HOXC8: variants seen among roughly 807,000 people sequenced by gnomAD.
The protein encoded by HOXC8 is homeobox protein Hox-C8.
HOXC8 carries 14 observed loss-of-function variants against 25.8 expected under a neutral mutation model. That is an observed-to-expected ratio of 0.54 (90% confidence interval 0.36 to 0.85). The LOEUF is 0.85. Among genes scored for constraint, HOXC8 ranks in the 40% least tolerant of loss-of-function variants. The pLI is 0.01. For synonymous variants in HOXC8, 144 were observed against 124.6 expected (o/e 1.16, Z -1.04); for missense variants, 316 against 308.8 (o/e 1.02, Z -0.17).
rs1390318171 is a variant in HOXC8, at chr12:54,011,171, T to C, written c.519T>C (p.Tyr173=). 2.5e-6 allele frequency: 4 copies of C among 1,614,008 alleles called. No individual in the cohort carries two copies. Among genetic ancestry groups the C allele is most frequent in the Non-Finnish European group, 3.4e-6 (4 of 1,180,028 alleles). Residue 173 remains tyrosine (Y), a synonymous_variant, in exon 2 of 2, where the codon TAT becomes TAC. Transcript: ENST00000040584. ...ELEKEFLFNP[Y]LTRKRRIEVS... The stretch of plus-strand genomic sequence containing the variant: ...AAAAGGAGTTTCTCTTTAATCCTTA[T>C]TTGACACGAAAACGTCGGATTGAAG...
chr12:54,009,390 C>T lies in HOXC8; in HGVS notation c.106C>T (p.His36Tyr). The T allele has an allele frequency of 6.2e-7, 1 of 1,614,088 alleles. No individual in the cohort carries two copies. Among genetic ancestry groups the T allele is most frequent in the South Asian group, 1.1e-5 (1 of 91,070 alleles). ...CRFPQSVGRS[H>Y]ALVYGPGGSA... ...GTTCCCTCAGAGCGTGGGCAGGAGC[C>T]ATGCGCTGGTGTACGGGCCCGGCGG... Residue 36 changes from histidine to tyrosine, a missense_variant, in exon 1 of 2, where the codon CAT becomes TAT. Coordinates refer to ENST00000040584, the MANE Select transcript of HOXC8 (RefSeq NM_022658.4). This position sits in a 1 kb window ranked among gnomAD's most constrained non-coding sequence, Gnocchi z 5.0.
chr12:54,010,999 T>A, intron 1 of HOXC8, 90 bp from the exon 2 acceptor site: 2 of 891,802 alleles, frequency 2.2e-6, no homozygotes, highest in Non-Finnish European at 3.6e-6. Context: ...ACTGAGGAGA[T>A]CAGAGAGGGG....
At chr12:54,011,016 G>C in intron 1 of HOXC8, 73 bp from the exon 2 acceptor site, 2 of 1,078,558 alleles carry the variant, frequency 1.9e-6, no homozygotes, top group Non-Finnish European at 2.8e-6. Flanking sequence ...GGGGAGTTTA[G>C]AGTAGGAAGA....
rs1468734468 is a variant in HOXC8, at chr12:54,009,156, C to T, written c.-129C>T. The T allele has an allele frequency of 2.5e-6, 2 of 803,336 alleles. No homozygotes were observed. The highest frequency in any genetic ancestry group is 4.1e-6 in the Non-Finnish European group (2 of 492,364). The allele number at this position is 803,336 out of a possible 1,614,324, so 49.8% of individuals were successfully genotyped here. On this transcript the variant is annotated 5_prime_UTR_variant, in exon 1 of 2. Transcript: ENST00000040584. This position sits in a 1 kb window ranked among gnomAD's most constrained non-coding sequence, Gnocchi z 5.0. The stretch of plus-strand genomic sequence containing the variant: ...CCAACCTGCCCAGCCCCCAGCCCAC[C>T]AGCCCAGCCCAGTCCCGGGGAGCCA...
chr12:54,010,177 C>G (rs1302273722), intron 1 of HOXC8, among the ~76,000 whole-genome samples: 2 of 152,188 alleles, frequency 1.3e-5, no homozygotes, highest in East Asian at 1.9e-4. Flanking sequence ...CAAAGGGAGA[C>G]AGACCCCTGT....
Position 54,009,693 on chromosome 12 carries a change from C to T in HOXC8, c.409C>T (p.Leu137Phe). 1 of 1,614,194 alleles carries T rather than the reference C, an allele frequency of 6.2e-7. No homozygotes were observed. Among genetic ancestry groups the T allele is most frequent in the Non-Finnish European group, 8.5e-7 (1 of 1,180,002 alleles). ...CTTAAATCAAAACTCGTCTCCCAGC[C>T]TCATGTTTCCATGGATGAGACCCCA... ...GHLNQNSSPS[L>F]MFPWMRPHAP... The change falls in exon 1 of 2, where the codon CTC (leucine) becomes TTC (phenylalanine). Residue 137 changes from leucine (L) to phenylalanine (F), a missense_variant. Coordinates refer to ENST00000040584, the MANE Select transcript of HOXC8 (RefSeq NM_022658.4). The surrounding 1 kb of genome is among the most constrained non-coding windows in gnomAD (Gnocchi z 5.0).
Position 54,009,778 on chromosome 12 carries a change from C to G in HOXC8, c.436+58C>G. On this transcript the variant is annotated intron_variant, in intron 1 of 1. Transcript: ENST00000040584. This position sits in a 1 kb window ranked among gnomAD's most constrained non-coding sequence, Gnocchi z 5.0. ...CCCGCGCTCCAGGGTTTCCCCCCCT[C>G]CCTCGCCTCCTTTTTGTCTGCCCTC... is the stretch of plus-strand genomic sequence containing the variant. 6.9e-7 allele frequency: 1 copy of G among 1,455,270 alleles called. No individual in the cohort carries two copies. The allele number at this position is 1,455,270 out of a possible 1,614,324, so 90.1% of individuals were successfully genotyped here. A position where few individuals can be genotyped will look rare whatever the true frequency, so the allele number is the denominator to read the frequency against.
chr12:54,011,495 C>A lies in HOXC8; in HGVS notation c.*114C>A. On this transcript the variant is annotated 3_prime_UTR_variant, in exon 2 of 2. Coordinates refer to ENST00000040584, the MANE Select transcript of HOXC8 (RefSeq NM_022658.4). Reference sequence around the variant, plus strand: ...TTTGCTTTTATAGAGAATAGAATGACACTCACAACTCTAACTACCTGTCAG... The same window carrying A: ...TTTGCTTTTATAGAGAATAGAATGAAACTCACAACTCTAACTACCTGTCAG... 7.9e-7 allele frequency: 1 copy of A among 1,271,246 alleles called. No individual in the cohort carries two copies. Among genetic ancestry groups the A allele is most frequent in the Non-Finnish European group, 1.0e-6 (1 of 971,874 alleles). 78.7% of individuals were successfully genotyped at this position (1,271,246 alleles called of 1,614,324 possible).
intron 1 of HOXC8, among the ~76,000 whole-genome samples, chr12:54,010,033 C>A (rs1182313414): frequency 1.3e-5 from 2 of 152,244 alleles, no homozygotes; most frequent in Non-Finnish European, 2.9e-5. Flanking sequence ...CACTCCCCAT[C>A]TCTAAAGTCA....
At position 54,012,475 on chromosome 12, in the gene HOXC8, CA is replaced by C. The variant is rs1428890678; in HGVS notation, c.*1096del. Reference sequence around the variant, plus strand: ...TGCTTATTTCACTAAGAAAACCCAACAACTGAGACTGCCTAGCCCGCCGGTC... The same window carrying C: ...TGCTTATTTCACTAAGAAAACCCAACACTGAGACTGCCTAGCCCGCCGGTC... On this transcript the variant is annotated 3_prime_UTR_variant, in exon 2 of 2. Transcript: ENST00000040584. 1 of 152,440 alleles carries C rather than the reference CA, an allele frequency of 6.6e-6. No individual in the cohort carries two copies. The highest frequency in any genetic ancestry group is 1.5e-5 in the Non-Finnish European group (1 of 68,000). 9.4% of individuals were successfully genotyped at this position (152,440 alleles called of 1,614,324 possible).
Position 54,011,071 on chromosome 12 carries a change from G to C in HOXC8, c.437-18G>C, listed in dbSNP as rs1423768586. The C allele has an allele frequency of 6.3e-7, 1 of 1,589,702 alleles. No homozygotes were observed. Among genetic ancestry groups the C allele is most frequent in the African/African-American group, 1.3e-5 (1 of 74,354 alleles). On this transcript the variant is annotated intron_variant, in intron 1 of 1. Transcript: ENST00000040584. Reference sequence around the variant, plus strand: ...CCCCCATCCAAACGTAACCAGACTGGGGTTTTCTTCTGTCCAGCTCCGGGG... The same window carrying C: ...CCCCCATCCAAACGTAACCAGACTGCGGTTTTCTTCTGTCCAGCTCCGGGG...
At position 54,009,306 on chromosome 12, in the gene HOXC8, C is replaced by A. The variant is rs1214417544; in HGVS notation, c.22C>A (p.Pro8Thr). 5.6e-6 allele frequency: 9 copies of A among 1,597,868 alleles called. No homozygotes were observed. Among genetic ancestry groups the A allele is most frequent in the South Asian group, 3.3e-5 (3 of 89,958 alleles). ...CAGCATGAGCTCCTACTTCGTCAACCCCCTGTTCTCCAAATACAAAGCCGG... is the reference window on the plus strand; with the variant it reads ...CAGCATGAGCTCCTACTTCGTCAACACCCTGTTCTCCAAATACAAAGCCGG... The part of the protein sequence containing the change: MSSYFVN[P>T]LFSKYKAGES... The change falls in exon 1 of 2, where the codon CCC (proline) becomes ACC (threonine). Residue 8 changes from proline to threonine, a missense_variant. Coordinates refer to ENST00000040584, the MANE Select transcript of HOXC8 (RefSeq NM_022658.4). The surrounding 1 kb of genome is among the most constrained non-coding windows in gnomAD (Gnocchi z 5.0).
rs537621607 is a variant in HOXC8 at position 54,009,767 on chromosome 12, T to A, written c.436+47T>A. The stretch of plus-strand genomic sequence containing the variant: ...CCCCTTGGTCTCCCGCGCTCCAGGG[T>A]TTCCCCCCCTCCCTCGCCTCCTTTT... On this transcript the variant is annotated intron_variant, in intron 1 of 1. Transcript: ENST00000040584. This position sits in a 1 kb window ranked among gnomAD's most constrained non-coding sequence, Gnocchi z 5.0. 2.0e-6 allele frequency: 3 copies of A among 1,524,110 alleles called. No homozygotes were observed. The highest frequency in any genetic ancestry group is 3.5e-4 in the Middle Eastern group (2 of 5,784). 94.4% of individuals were successfully genotyped at this position (1,524,110 alleles called of 1,614,324 possible).
At position 54,009,720 on chromosome 12, in the gene HOXC8, G is replaced by A; in HGVS notation, c.436G>A (p.Ala146Thr). Residue 146 changes from alanine to threonine, a missense_variant and splice_region_variant, in exon 1 of 2, where the codon GCT becomes ACT. Physicochemically the swap from Ala to Thr is moderately conservative, Grantham distance 58 (BLOSUM62 0). Coordinates refer to ENST00000040584, the MANE Select transcript of HOXC8 (RefSeq NM_022658.4). The surrounding 1 kb of genome is among the most constrained non-coding windows in gnomAD (Gnocchi z 5.0). Reference protein sequence around the residue: ...SLMFPWMRPHAPGRRSGRQTY... With the variant: ...SLMFPWMRPHTPGRRSGRQTY... ...CATGTTTCCATGGATGAGACCCCAC[G>A]GTGAGAAGCCTTTTCTCTTTCCCCC... is the stretch of plus-strand genomic sequence containing the variant. The A allele has an allele frequency of 6.2e-7, 1 of 1,612,582 alleles. No individual in the cohort carries two copies. Among genetic ancestry groups the A allele is most frequent in the Non-Finnish European group, 8.5e-7 (1 of 1,178,688 alleles).
chr12:54,011,072 G>A lies in HOXC8; in HGVS notation c.437-17G>A, dbSNP rs867023536. The A allele has an allele frequency of 1.3e-6, 2 of 1,593,136 alleles. No individual in the cohort carries two copies. Among genetic ancestry groups the A allele is most frequent in the Admixed American group, 1.7e-5 (1 of 59,862 alleles). The stretch of plus-strand genomic sequence containing the variant: ...CCCCATCCAAACGTAACCAGACTGG[G>A]GTTTTCTTCTGTCCAGCTCCGGGGA... On this transcript the variant is annotated splice_polypyrimidine_tract_variant and intron_variant, in intron 1 of 1. Coordinates refer to ENST00000040584, the MANE Select transcript of HOXC8 (RefSeq NM_022658.4).
Position 54,011,337 on chromosome 12 carries a change from G to GAAGAGGAGA in HOXC8, c.690_698dup (p.Lys232_Glu234dup). ...GAAGGTGGAGGAAGAAGGAAATGAG[G>GAAGAGGAGA]AAGAGGAGAAAGAAGAGGAGGAAAA... On this transcript the variant is annotated inframe_insertion, in exon 2 of 2. Coordinates refer to ENST00000040584, the MANE Select transcript of HOXC8 (RefSeq NM_022658.4). 1 of 1,504,520 alleles carries GAAGAGGAGA rather than the reference G, an allele frequency of 6.6e-7. No individual in the cohort carries two copies. The highest frequency in any genetic ancestry group is 8.8e-7 in the Non-Finnish European group (1 of 1,132,256). 93.2% of individuals were successfully genotyped at this position (1,504,520 alleles called of 1,614,324 possible). A position where few individuals can be genotyped will look rare whatever the true frequency, so the allele number is the denominator to read the frequency against.
rs1055066999 is a variant in HOXC8, at chr12:54,012,382, A to G, written c.*1001A>G. ...AAGAAAGAAACCTCCAGCGTATTTT[A>G]TCACTACCTATAGAAAGAAATCCTG... On this transcript the variant is annotated 3_prime_UTR_variant, in exon 2 of 2. Transcript: ENST00000040584. 1 of 151,350 alleles carries G rather than the reference A, an allele frequency of 6.6e-6. No homozygotes were observed. The highest frequency in any genetic ancestry group is 6.6e-5 in the Admixed American group (1 of 15,188). The allele number at this position is 151,350 out of a possible 1,614,324, so 9.4% of individuals were successfully genotyped here.
intron 1 of HOXC8, among the ~76,000 whole-genome samples, chr12:54,010,154 G>T (rs1177937832): frequency 2.0e-5 from 3 of 152,294 alleles, no homozygotes; most frequent in Admixed American, 2.0e-4. Context: ...ACACTGGCCA[G>T]GCTGTCTTGG....
Position 54,012,008 on chromosome 12 carries a change from G to A in HOXC8, c.*627G>A, listed in dbSNP as rs1940006761. On this transcript the variant is annotated 3_prime_UTR_variant, in exon 2 of 2. Coordinates refer to ENST00000040584, the MANE Select transcript of HOXC8 (RefSeq NM_022658.4). The stretch of plus-strand genomic sequence containing the variant: ...CCTTGACTTTCTCTAGGAACCTGAT[G>A]GAAACCTGAAGGAGATGTGGGTCTT... The A allele has an allele frequency of 7.4e-6, 1 of 134,304 alleles. No homozygotes were observed. The highest frequency in any genetic ancestry group is 2.8e-5 in the African/African-American group (1 of 35,094). The allele number at this position is 134,304 out of a possible 1,614,324, so 8.3% of individuals were successfully genotyped here.
Sources: allele counts gnomAD v4.1 joint callset (sites outside exome capture counted in the v4.1 genomes callset), GRCh38; gene constraint gnomAD v4.1.1; non-coding constraint Gnocchi (gnomAD v3.1); transcripts MANE v1.5; gene names NCBI Gene and HGNC (gene_info 2026-07-23, HGNC 2026-07-21).